The following ZNF804B variants were observed in gnomAD, a reference collection of about 807,000 sequenced individuals.
ZNF804B encodes zinc finger 804B.
In ZNF804B, 80 loss-of-function variants were observed where a neutral mutation model predicts 101.4. The observed-to-expected ratio is 0.79, with a 90% CI of 0.66 to 0.95. ZNF804B has a LOEUF of 0.95. Among genes scored for constraint, ZNF804B ranks in the 40% least tolerant of loss-of-function variants. The pLI is 0.00. For synonymous variants in ZNF804B, 622 were observed against 558.8 expected (o/e 1.11, Z -1.59); for missense variants, 1,673 against 1,561.9 (o/e 1.07, Z -1.20).
At chr7:89,002,558 G>A (rs1025712073) in intron 1 of ZNF804B, among the ~76,000 whole-genome samples, 2 of 151,864 alleles carry the variant, frequency 1.3e-5, no homozygotes, top group African/African-American at 2.4e-5. Context: ...CAAAAGTTAT[G>A]TTATGAAAGG....
chr7:89,019,336 T>G (rs1788625585), intron 1 of ZNF804B, among the ~76,000 whole-genome samples: 1 of 152,112 alleles, frequency 6.6e-6, no homozygotes, highest in African/African-American at 2.4e-5. Flanking sequence ...TATTGTGGTC[T>G]AAAACATACT....
At chr7:88,795,059 AAAAG>A in intron 1 of ZNF804B, 1 of 888,054 alleles carries the variant, frequency 1.1e-6, no homozygotes, top group Non-Finnish European at 1.6e-6. Context: ...GACAAAAAAA[AAAAG>A]AGTAAATCAC....
chr7:88,934,619 C>A (rs1792939187), intron 1 of ZNF804B, among the ~76,000 whole-genome samples: 1 of 151,710 alleles, frequency 6.6e-6, no homozygotes, highest in South Asian at 2.1e-4. Flanking sequence ...GATAAACAAC[C>A]AACAAACATA....
chr7:89,113,396 G>A (rs1375284604), intron 1 of ZNF804B, among the ~76,000 whole-genome samples: 3 of 152,052 alleles, frequency 2.0e-5, no homozygotes, highest in Non-Finnish European at 4.4e-5. Flanking sequence ...AGCATAAAGA[G>A]TGAAAGCGCA....
chr7:88,919,940 GC>G (rs1792695676), intron 1 of ZNF804B, among the ~76,000 whole-genome samples: 1 of 152,034 alleles, frequency 6.6e-6, no homozygotes. Flanking sequence ...ATCCTTCAGA[GC>G]AGTTCAAAAG....
chr7:89,065,544 A>G (rs984681486), intron 1 of ZNF804B, among the ~76,000 whole-genome samples: 1 of 152,146 alleles, frequency 6.6e-6, no homozygotes, highest in Admixed American at 6.6e-5. Context: ...ACACATGTGT[A>G]TTAATTAGTC....
chr7:89,274,317 C>T (rs796784843), intron 2 of ZNF804B, among the ~76,000 whole-genome samples: 1 of 98,330 alleles, frequency 1.0e-5, no homozygotes, highest in Non-Finnish European at 2.0e-5. Flanking sequence ...CCCCTCCCCC[C>T]ACCCCACCAC....
chr7:89,196,310 T>C (rs996941151), intron 1 of ZNF804B, among the ~76,000 whole-genome samples: 5 of 151,994 alleles, frequency 3.3e-5, no homozygotes, highest in Non-Finnish European at 7.4e-5. Context: ...AATAGAGAAT[T>C]CGGAAATAAG....
At chr7:89,039,923 T>A (rs903231354) in intron 1 of ZNF804B, among the ~76,000 whole-genome samples, 1 of 152,124 alleles carries the variant, frequency 6.6e-6, no homozygotes, top group Non-Finnish European at 1.5e-5. Flanking sequence ...TATCTTTGAC[T>A]TTTGAGAATT....
At chr7:89,000,924 A>G (rs1197581545) in intron 1 of ZNF804B, among the ~76,000 whole-genome samples, 1 of 147,846 alleles carries the variant, frequency 6.8e-6, no homozygotes, top group Non-Finnish European at 1.5e-5. Flanking sequence ...TATATCTAAT[A>G]TAATATATGT....
rs116992084 is a variant in ZNF804B at position 88,781,329 on chromosome 7, G to A, written c.108+21245G>A. On this transcript the variant is annotated intron_variant, in intron 1 of 3. Coordinates refer to ENST00000333190, the MANE Select transcript of ZNF804B (RefSeq NM_181646.5). ...CTCATGTTCTTCCTGAGGATATTAAGAGCAGCAGCAGAAGCCTGCTTAAGG... is the reference window on the plus strand; with the variant it reads ...CTCATGTTCTTCCTGAGGATATTAAAAGCAGCAGCAGAAGCCTGCTTAAGG... Among the ~76,000 whole-genome samples the A allele has an allele frequency of 2.6e-3, 399 of 152,278 alleles. 1 individual carries two copies. Among genetic ancestry groups the A allele is most frequent in the Non-Finnish European group, 3.1e-3 (213 of 68,014 alleles).
intron 1 of ZNF804B, among the ~76,000 whole-genome samples, chr7:88,983,190 A>G (rs1483673802): frequency 6.6e-6 from 1 of 152,078 alleles, no homozygotes; most frequent in Non-Finnish European, 1.5e-5. Context: ...CTTGCTAGCA[A>G]TGAAGACTCT....
intron 1 of ZNF804B, among the ~76,000 whole-genome samples, chr7:89,091,699 C>A (rs750425818): frequency 7.2e-5 from 11 of 152,188 alleles, no homozygotes; most frequent in Non-Finnish European, 1.3e-4. Flanking sequence ...TTGTGTGGCT[C>A]ATTCTCCCTC....
rs113934508 is a variant in ZNF804B at position 89,162,493 on chromosome 7, A to G, written c.109-55662A>G. The stretch of plus-strand genomic sequence containing the variant: ...AGGTAGATCTGAAATAAAATTCCCA[A>G]TTGTTTGGGAAAATAATCCTAATAC... On this transcript the variant is annotated intron_variant, in intron 1 of 3. Coordinates refer to ENST00000333190, the MANE Select transcript of ZNF804B (RefSeq NM_181646.5). Among the ~76,000 whole-genome samples the G allele has an allele frequency of 6.5e-3, 983 of 152,094 alleles. 11 individuals are homozygous for G. The highest frequency in any genetic ancestry group is 0.022 in the African/African-American group (926 of 41,482).
intron 1 of ZNF804B, among the ~76,000 whole-genome samples, chr7:88,947,530 G>C (rs1304400733): frequency 1.3e-5 from 2 of 151,806 alleles, no homozygotes; most frequent in African/African-American, 2.4e-5. Context: ...TGGGGGGCTA[G>C]GGGAAGGGAG....
At chr7:89,110,835 A>G (rs934003032) in intron 1 of ZNF804B, among the ~76,000 whole-genome samples, 3 of 152,168 alleles carry the variant, frequency 2.0e-5, no homozygotes, top group South Asian at 4.1e-4. Flanking sequence ...TGTACAGAAT[A>G]GTTTTCCTGC....
chr7:88,926,707 C>T (rs1261759329), intron 1 of ZNF804B, among the ~76,000 whole-genome samples: 6 of 151,894 alleles, frequency 4.0e-5, no homozygotes, highest in Non-Finnish European at 2.9e-5. Flanking sequence ...AAATCATATC[C>T]CAATTTTCTT....
At chr7:88,801,311 A>G (rs1790578199) in intron 1 of ZNF804B, among the ~76,000 whole-genome samples, 1 of 151,984 alleles carries the variant, frequency 6.6e-6, no homozygotes, top group Admixed American at 6.6e-5. Flanking sequence ...GGGAAAAAAA[A>G]AAAAAGTAAC....
intron 1 of ZNF804B, among the ~76,000 whole-genome samples, chr7:89,203,468 C>G (rs1788674780): frequency 6.6e-6 from 1 of 152,060 alleles, no homozygotes; most frequent in South Asian, 2.1e-4. Context: ...TCAAAGTAAA[C>G]TAGCATTTTT....
Sources: allele counts gnomAD v4.1 joint callset (sites outside exome capture counted in the v4.1 genomes callset), GRCh38; gene constraint gnomAD v4.1.1; transcripts MANE v1.5; gene names NCBI Gene and HGNC (gene_info 2026-07-23, HGNC 2026-07-21).